Variants in DNAH5 observed in about 807,000 individuals in gnomAD.
DNAH5 encodes the protein dynein axonemal heavy chain 5, also known as axonemal beta dynein heavy chain 5.
Under a neutral mutation model 518.2 loss-of-function variants are expected in DNAH5, and 372 were observed. The observed-to-expected ratio is 0.72, with a 90% CI of 0.66 to 0.78. The LOEUF is 0.78. Among genes scored for constraint, DNAH5 ranks in the 30% least tolerant of loss-of-function variants. The pLI is 0.00. For missense variants in DNAH5, 5,523 were observed against 5,687.0 expected (o/e 0.97, Z 0.93); for synonymous variants, 2,039 against 2,025.9 (o/e 1.01, Z -0.17).
intron 32 of DNAH5, among the ~76,000 whole-genome samples, chr5:13,842,492 A>AGAAAGAAAGAAC (rs1561408187): frequency 7.8e-5 from 7 of 90,274 alleles, no homozygotes; most frequent in African/African-American, 1.7e-4. Context: ...AGAGAAAGAA[A>AGAAAGAAAGAAC]AGAAAGAAAG....
In DNAH5 at chr5:13,883,035, T is replaced by A; in HGVS notation, c.3043A>T (p.Thr1015Ser). The A allele has an allele frequency of 6.2e-7, 1 of 1,614,168 alleles. No homozygotes were observed. Among genetic ancestry groups the A allele is most frequent in the Non-Finnish European group, 8.5e-7 (1 of 1,180,020 alleles). The change falls in exon 20 of 79, where the codon ACT (threonine) becomes TCT (serine). Residue 1015 changes from threonine (T) to serine (S), a missense_variant. By Grantham distance (58) the Thr-to-Ser change is moderately conservative. Transcript: ENST00000265104. ...ATGACGATGTTGGGAATGGCCAGAGTGACGCTTGCCCGGAAAATGGGCAAA... is the reference window on the plus strand; with the variant it reads ...ATGACGATGTTGGGAATGGCCAGAGAGACGCTTGCCCGGAAAATGGGCAAA... The part of the protein sequence containing the change: ...NSLPIFRASV[T>S]LAIPNIVMAP...
At chr5:14,010,887 G>A (rs1785068602) in intron 1 of DNAH5, among the ~76,000 whole-genome samples, 1 of 151,416 alleles carries the variant, frequency 6.6e-6, no homozygotes, top group Non-Finnish European at 1.5e-5. Context: ...GATCCCTACA[G>A]TTATATGACT....
chr5:13,814,422 A>G (rs1050649971), intron 43 of DNAH5, among the ~76,000 whole-genome samples, 183 bp downstream of exon 43: 1 of 152,334 alleles, frequency 6.6e-6, no homozygotes, highest in African/African-American at 2.4e-5. Context: ...TGGAAGAGTA[A>G]TGAAGAAATA....
chr5:13,790,349 A>G (rs1756764170), intron 50 of DNAH5, among the ~76,000 whole-genome samples: 1 of 152,240 alleles, frequency 6.6e-6, no homozygotes, highest in Non-Finnish European at 1.5e-5. Flanking sequence ...CCTATACACC[A>G]TGGAATACTA....
At chr5:13,931,336 G>A (rs946116323) in intron 1 of DNAH5, 92 bp from the exon 2 acceptor site, 1 of 1,508,736 alleles carries the variant, frequency 6.6e-7, no homozygotes, top group African/African-American at 1.4e-5. Context: ...GTTTTTTCAA[G>A]TCTTAGGTAT....
chr5:13,947,465 T>C (rs1780024193), upstream of DNAH5, among the ~76,000 whole-genome samples: 1 of 152,260 alleles, frequency 6.6e-6, no homozygotes, highest in Non-Finnish European at 1.5e-5. Flanking sequence ...CTGGTAATGA[T>C]TTAAATATAT....
At chr5:13,969,010 G>T (rs560439546) in intron 1 of DNAH5, among the ~76,000 whole-genome samples, 1 of 152,088 alleles carries the variant, frequency 6.6e-6, no homozygotes, top group Non-Finnish European at 1.5e-5. Flanking sequence ...TTATTGGTCT[G>T]TTCAGAATTT....
At chr5:13,926,237 A>T (rs1336006326) in intron 3 of DNAH5, among the ~76,000 whole-genome samples, 1 of 152,214 alleles carries the variant, frequency 6.6e-6, no homozygotes, top group Non-Finnish European at 1.5e-5. Flanking sequence ...CTGGTGGCTT[A>T]GACTACCAAA....
At chr5:13,789,446 C>T (rs1250483276) in intron 50 of DNAH5, among the ~76,000 whole-genome samples, 1 of 152,158 alleles carries the variant, frequency 6.6e-6, no homozygotes, top group Admixed American at 6.5e-5. Context: ...AAATTAATTG[C>T]TCAATACTCC....
At chr5:13,783,066 T>C (rs894592279) in intron 52 of DNAH5, among the ~76,000 whole-genome samples, 5 of 152,072 alleles carry the variant, frequency 3.3e-5, no homozygotes, top group Non-Finnish European at 1.5e-5. Context: ...TGGGGAAACA[T>C]CCCCGCCTGG....
intron 60 of DNAH5, among the ~76,000 whole-genome samples, chr5:13,760,612 T>C (rs1354187): frequency 0.35 from 52,650 of 152,034 alleles, 9,384 homozygotes; most frequent in East Asian, 0.56. Context: ...TAAATTGCTA[T>C]TGCCGCTAAT....
intron 47 of DNAH5, among the ~76,000 whole-genome samples, chr5:13,807,156 G>C (rs1274634131): frequency 1.3e-5 from 2 of 152,166 alleles, no homozygotes; most frequent in Non-Finnish European, 2.9e-5. Context: ...TTTTGGTACT[G>C]TAACAGCCTT....
chr5:13,870,105 G>A (rs186692594), intron 24 of DNAH5, among the ~76,000 whole-genome samples: 1 of 152,240 alleles, frequency 6.6e-6, no homozygotes, highest in African/African-American at 2.4e-5. Context: ...TAAAAGTGAT[G>A]TGCAACACTG....
At chr5:13,985,242 C>T (rs1782955122) in intron 1 of DNAH5, among the ~76,000 whole-genome samples, 1 of 136,256 alleles carries the variant, frequency 7.3e-6, no homozygotes, top group African/African-American at 2.9e-5. Context: ...AACACTTGGA[C>T]ACAGGAAGGG....
intron 2 of DNAH5, 35 bp from the exon 3 acceptor site, chr5:13,928,213 A>C (rs759461377): frequency 1.2e-5 from 18 of 1,527,886 alleles, no homozygotes; most frequent in Admixed American, 1.7e-5. Context: ...AATGATTTTC[A>C]ATCCAAATTA....
intron 40 of DNAH5, among the ~76,000 whole-genome samples, chr5:13,820,888 T>TACACAGAC (rs1207031016): frequency 7.3e-6 from 1 of 136,286 alleles, no homozygotes; most frequent in East Asian, 2.3e-4. Flanking sequence ...CACAAAAAAA[T>TACACAGAC]ACACAGACAT....
intron 1 of DNAH5, among the ~76,000 whole-genome samples, chr5:13,976,599 TAA>T (rs1050846275): frequency 6.6e-6 from 1 of 152,098 alleles, no homozygotes; most frequent in Admixed American, 6.6e-5. Context: ...CATTTTATAC[TAA>T]GTTATTGTTA....
At chr5:13,725,564 A>C (rs1310331579) in intron 70 of DNAH5, among the ~76,000 whole-genome samples, 1 of 152,242 alleles carries the variant, frequency 6.6e-6, no homozygotes, top group Non-Finnish European at 1.5e-5. Flanking sequence ...GAACTTGTTC[A>C]TCCCAATATG....
At chr5:13,881,993 C>T (rs1304154197) in intron 21 of DNAH5, among the ~76,000 whole-genome samples, 2 of 152,008 alleles carry the variant, frequency 1.3e-5, no homozygotes, top group Non-Finnish European at 2.9e-5. Flanking sequence ...GGAGATATTA[C>T]TACTGATAAC....
Sources: allele counts gnomAD v4.1 joint callset (sites outside exome capture counted in the v4.1 genomes callset), GRCh38; gene constraint gnomAD v4.1.1; transcripts MANE v1.5; gene names NCBI Gene and HGNC (gene_info 2026-07-23, HGNC 2026-07-21).